XPO6: variants seen among roughly 807,000 people sequenced by gnomAD.
XPO6 encodes exportin 6, also known as exportin-6.
XPO6 carries 3 observed loss-of-function variants against 130.0 expected under a neutral mutation model. The ratio of observed to expected loss-of-function variants is 0.02; its 90% CI spans 0.01 to 0.06. The LOEUF (loss-of-function observed/expected upper bound fraction) is 0.06. Among genes scored for constraint, XPO6 ranks in the 10% least tolerant of loss-of-function variants. XPO6 has a pLI of 1.00. For missense variants in XPO6, 970 were observed against 1,393.0 expected, an observed-to-expected ratio of 0.70 and a Z score of 4.83; for synonymous variants, 524 against 548.9, an observed-to-expected ratio of 0.95 and a Z score of 0.63.
intron 6 of XPO6, among the ~76,000 whole-genome samples, chr16:28,158,534 T>C (rs1005354428): frequency 2.0e-5 from 3 of 152,264 alleles, no homozygotes; most frequent in Non-Finnish European, 4.4e-5. Flanking sequence ...TCATCACAGA[T>C]ATTTTTAAAT....
At position 28,146,063 on chromosome 16, in the gene XPO6, A is replaced by G. The variant is rs746455899; in HGVS notation, c.1334+31T>C. On this transcript the variant is annotated intron_variant, in intron 9 of 23. Transcript: ENST00000304658. ...CACTAGAATAACTGGCAAAATGACC[A>G]TATCTAGTTTTCAGTGTTTGAGGAG... is the stretch of plus-strand genomic sequence containing the variant. The G allele has an allele frequency of 4.6e-6, 7 of 1,534,634 alleles. No individual in the cohort carries two copies. The African/African-American group carries it at 6.8e-5, about 15-fold the overall frequency.
rs144300347 is a variant in XPO6, at chr16:28,177,746, A to G, written c.95-414T>C. ...TCTACAAATCTTCAGTGGAGCCTAC[A>G]TTGTTCACACACACAAAATGACGGC... On this transcript the variant is annotated intron_variant, in intron 2 of 23. Coordinates refer to ENST00000304658, the MANE Select transcript of XPO6 (RefSeq NM_015171.4). Among the ~76,000 whole-genome samples the G allele has an allele frequency of 1.5e-3, 235 of 152,348 alleles. 3 individuals are homozygous for G. Among genetic ancestry groups the G allele is most frequent in the Admixed American group, 5.9e-3 (91 of 15,306 alleles).
chr16:28,118,025 C>T (rs1039035743), intron 14 of XPO6, among the ~76,000 whole-genome samples: 1 of 152,182 alleles, frequency 6.6e-6, no homozygotes, highest in Non-Finnish European at 1.5e-5. Context: ...AAAAAGTATG[C>T]AATTCATCAA....
At chr16:28,100,156 T>A (rs2086625701) in intron 23 of XPO6, among the ~76,000 whole-genome samples, 1 of 152,112 alleles carries the variant, frequency 6.6e-6, no homozygotes, top group South Asian at 2.1e-4. Flanking sequence ...CCTGACTAAT[T>A]TTTTTTATTT....
chr16:28,167,200 G>A (rs1450658855), intron 5 of XPO6: 28 of 985,278 alleles, frequency 2.8e-5, no homozygotes, highest in South Asian at 4.7e-5. Context: ...TGCCTCACAC[G>A]ATGGGGGCTT....
intron 1 of XPO6, among the ~76,000 whole-genome samples, chr16:28,186,843 T>C (rs552214077): frequency 7.2e-5 from 11 of 152,270 alleles, no homozygotes; most frequent in African/African-American, 2.6e-4. Flanking sequence ...GCTCCAATTA[T>C]TCTAAACCTA....
chr16:28,211,386 C>G lies in XPO6; in HGVS notation c.-18G>C. Reference sequence around the variant, plus strand: ...CTTACCATGCTGGCCGGGGAGGGGGCGGCTCAGATGAGCTGGTTCTTGGGC... The same window carrying G: ...CTTACCATGCTGGCCGGGGAGGGGGGGGCTCAGATGAGCTGGTTCTTGGGC... On this transcript the variant is annotated 5_prime_UTR_variant, in exon 1 of 24. Transcript: ENST00000304658. The G allele has an allele frequency of 1.5e-6, 2 of 1,312,400 alleles. No homozygotes were observed. The highest frequency in any genetic ancestry group is 2.0e-6 in the Non-Finnish European group (2 of 1,021,648). The allele number at this position is 1,312,400 out of a possible 1,614,324, so 81.3% of individuals were successfully genotyped here.
In XPO6 at chr16:28,101,243, C is replaced by T. The variant is rs746895494; in HGVS notation, c.3276+215G>A. ...GGACCTCCATGGCTGAGACTAAGAA[C>T]ATACGTGCTACAGACACCAAGACTG... On this transcript the variant is annotated intron_variant, in intron 23 of 23. Coordinates refer to ENST00000304658, the MANE Select transcript of XPO6 (RefSeq NM_015171.4). The surrounding 1 kb of genome is among the most constrained non-coding windows in gnomAD (Gnocchi z 5.4). The T allele has an allele frequency of 1.6e-5, 10 of 633,436 alleles. No individual in the cohort carries two copies. The East Asian group carries it at 2.8e-4, about 18-fold the overall frequency. 39.2% of individuals were successfully genotyped at this position (633,436 alleles called of 1,614,324 possible). A position where few individuals can be genotyped will look rare whatever the true frequency, so the allele number is the denominator to read the frequency against.
chr16:28,125,928 C>T (rs2087391840), intron 12 of XPO6, 80 bp from the exon 13 acceptor site: 2 of 1,519,826 alleles, frequency 1.3e-6, no homozygotes, highest in Non-Finnish European at 1.8e-6. Flanking sequence ...TCCAGCAAGC[C>T]ACACACAGCA....
intron 9 of XPO6, among the ~76,000 whole-genome samples, chr16:28,145,406 C>T (rs1369696491): frequency 6.6e-6 from 1 of 152,148 alleles, no homozygotes; most frequent in Admixed American, 6.5e-5. Context: ...AGGAAATATA[C>T]TCTCTTCCTG....
intron 17 of XPO6, 61 bp downstream of exon 17, chr16:28,111,756 C>T: frequency 1.3e-6 from 2 of 1,573,718 alleles, no homozygotes; most frequent in South Asian, 1.1e-5. Context: ...ATCTCATCTG[C>T]CACAAAGAAC....
intron 20 of XPO6, 30 bp from the exon 21 acceptor site, chr16:28,104,737 C>T (rs1000493565): frequency 6.2e-7 from 1 of 1,611,436 alleles, no homozygotes; most frequent in South Asian, 1.1e-5. Context: ...CTCAGACCTG[C>T]AGCTTGCGGA....
intron 12 of XPO6, among the ~76,000 whole-genome samples, chr16:28,129,173 A>G (rs367847883): frequency 4.6e-5 from 7 of 152,232 alleles, no homozygotes; most frequent in South Asian, 2.1e-4. Flanking sequence ...CATGTTCATC[A>G]AAAGTACAGC....
At chr16:28,109,794 A>C (rs753740553) in intron 17 of XPO6, among the ~76,000 whole-genome samples, 1 of 152,240 alleles carries the variant, frequency 6.6e-6, no homozygotes, top group Non-Finnish European at 1.5e-5. Context: ...ACAACTGGGG[A>C]AAGTGTTAAT....
rs1286134255 is a variant in XPO6 at position 28,153,541 on chromosome 16, A to G, written c.1098-756T>C. ...AATCCCCAACTCATTTGTATTCACA[A>G]AATCATTTCACAGAAGAGTATGGGT... is the stretch of plus-strand genomic sequence containing the variant. On this transcript the variant is annotated intron_variant, in intron 7 of 23. Transcript: ENST00000304658. 5 of 985,328 alleles carry G rather than the reference A, an allele frequency of 5.1e-6. No homozygotes were observed. In the African/African-American group the frequency reaches 7.0e-5, roughly 14 times the overall value. The allele number at this position is 985,328 out of a possible 1,614,324, so 61.0% of individuals were successfully genotyped here.
At chr16:28,189,377 A>C (rs2043749246) in intron 1 of XPO6, among the ~76,000 whole-genome samples, 1 of 152,064 alleles carries the variant, frequency 6.6e-6, no homozygotes, top group South Asian at 2.1e-4. Context: ...TCAGCAGGGC[A>C]ATCAGGGAAG....
intron 1 of XPO6, among the ~76,000 whole-genome samples, chr16:28,211,125 C>T (rs1187932043): frequency 6.6e-6 from 1 of 152,202 alleles, no homozygotes; most frequent in Non-Finnish European, 1.5e-5. Flanking sequence ...GAGGCAAACA[C>T]CAGATGCAAG....
chr16:28,204,360 C>T (rs1057334611), intron 1 of XPO6, among the ~76,000 whole-genome samples: 1 of 151,768 alleles, frequency 6.6e-6, no homozygotes, highest in African/African-American at 2.4e-5. Context: ...AGGGAAGGCC[C>T]CACTGGAAAA....
intron 1 of XPO6, among the ~76,000 whole-genome samples, chr16:28,187,420 C>G (rs563649637): frequency 8.5e-5 from 13 of 152,174 alleles, no homozygotes; most frequent in African/African-American, 3.1e-4. Context: ...AATGCAGGCT[C>G]TAGGGTCAGG....
Sources: allele counts gnomAD v4.1 joint callset (sites outside exome capture counted in the v4.1 genomes callset), GRCh38; gene constraint gnomAD v4.1.1; non-coding constraint Gnocchi (gnomAD v3.1); transcripts MANE v1.5; gene names NCBI Gene and HGNC (gene_info 2026-07-23, HGNC 2026-07-21).